NFIB: variants seen among roughly 807,000 people sequenced by gnomAD.
The protein encoded by NFIB is nuclear factor I B.
NFIB carries 11 observed loss-of-function variants against 61.5 expected under a neutral mutation model. The observed-to-expected ratio is 0.18, with a 90% CI of 0.11 to 0.30. The LOEUF (loss-of-function observed/expected upper bound fraction) is 0.30, where lower values mean the gene tolerates loss of function less well. NFIB is among the 10% of genes least tolerant of loss of function. NFIB has a pLI of 1.00. For synonymous variants in NFIB, 260 were observed against 216.5 expected, an observed-to-expected ratio of 1.20 and a Z score of -1.76; for missense variants, 471 against 608.9, an observed-to-expected ratio of 0.77 and a Z score of 2.38.
At chr9:14,251,314 A>C (rs1368251718) in intron 2 of NFIB, among the ~76,000 whole-genome samples, 1 of 152,196 alleles carries the variant, frequency 6.6e-6, no homozygotes, top group Admixed American at 6.5e-5. Context: ...CTAAAGAGTT[A>C]ATCTTTAGCA....
At chr9:14,214,757 T>C (rs1162341425) in intron 2 of NFIB, among the ~76,000 whole-genome samples, 20 of 152,250 alleles carry the variant, frequency 1.3e-4, no homozygotes, top group Admixed American at 1.3e-3. Context: ...CTGACTCTCT[T>C]TTCCATTGGA....
intron 1 of NFIB, among the ~76,000 whole-genome samples, chr9:14,322,587 C>G (rs2060688825): frequency 6.6e-6 from 1 of 152,126 alleles, no homozygotes; most frequent in Middle Eastern, 3.4e-3. Flanking sequence ...CCGCCCCGCC[C>G]CACCCTACCA....
At chr9:14,345,693 G>A (rs1371883991) in intron 1 of NFIB, among the ~76,000 whole-genome samples, 15 of 152,176 alleles carry the variant, frequency 9.9e-5, no homozygotes, top group Admixed American at 9.2e-4. Flanking sequence ...CCCCATCTCC[G>A]TGGAGTTTGG....
At chr9:14,461,083 G>C in the NFIB span, among the ~76,000 whole-genome samples, 1 of 152,002 alleles carries the variant, frequency 6.6e-6, no homozygotes, top group Non-Finnish European at 1.5e-5. Flanking sequence ...CCCAAGGCTG[G>C]ATAAGCTCAA....
At chr9:14,232,943 A>G (rs187188488) in intron 2 of NFIB, among the ~76,000 whole-genome samples, 48 of 152,336 alleles carry the variant, frequency 3.2e-4, no homozygotes, top group African/African-American at 1.1e-3. Flanking sequence ...GCCAGGGCCC[A>G]TCTAGCAAAC....
At chr9:14,297,174 C>T (rs999300988) in intron 2 of NFIB, among the ~76,000 whole-genome samples, 3 of 152,184 alleles carry the variant, frequency 2.0e-5, no homozygotes, top group Non-Finnish European at 2.9e-5. Flanking sequence ...ATTTTTAAAT[C>T]CTCTGGGCTG....
At chr9:14,217,792 G>A (rs1038942923) in intron 2 of NFIB, among the ~76,000 whole-genome samples, 2 of 151,512 alleles carry the variant, frequency 1.3e-5, no homozygotes, top group Non-Finnish European at 2.9e-5. Context: ...ACTTCACCAT[G>A]TCAATATTGA....
At position 14,084,589 on chromosome 9, in the gene NFIB, G is replaced by T. The variant is rs922441586; in HGVS notation, c.*3720C>A. 5 of 228,646 alleles carry T rather than the reference G, an allele frequency of 2.2e-5. No individual in the cohort carries two copies. The highest frequency in any genetic ancestry group is 8.9e-5 in the African/African-American group (4 of 45,016). The allele number at this position is 228,646 out of a possible 1,614,324, so 14.2% of individuals were successfully genotyped here. ...AACACGCTTCAGAGGCACTGTGAGTGGTGGGTGGCAGGGCAGCACACAAAG... is the reference window on the plus strand; with the variant it reads ...AACACGCTTCAGAGGCACTGTGAGTTGTGGGTGGCAGGGCAGCACACAAAG... On this transcript the variant is annotated 3_prime_UTR_variant, in exon 11 of 11. Coordinates refer to ENST00000380953, the MANE Select transcript of NFIB (RefSeq NM_001190737.2).
chr9:14,145,498 A>G (rs1238959135), intron 6 of NFIB, among the ~76,000 whole-genome samples: 1 of 152,112 alleles, frequency 6.6e-6, no homozygotes, highest in African/African-American at 2.4e-5. Flanking sequence ...TTGAGCAGCA[A>G]AGAAGGAGCA....
At chr9:14,351,981 C>T (rs1345575073) in intron 1 of NFIB, among the ~76,000 whole-genome samples, 1 of 152,130 alleles carries the variant, frequency 6.6e-6, no homozygotes, top group African/African-American at 2.4e-5. Flanking sequence ...GATTTGAGGT[C>T]CCATTTGCCC....
At chr9:14,335,201 G>A (rs554258536) in intron 1 of NFIB, among the ~76,000 whole-genome samples, 1 of 152,300 alleles carries the variant, frequency 6.6e-6, no homozygotes, top group Admixed American at 6.5e-5. Flanking sequence ...ATCTAGCAAT[G>A]GAATGTCTGG....
the NFIB span, among the ~76,000 whole-genome samples, chr9:14,460,091 C>A: frequency 6.6e-6 from 1 of 152,096 alleles, no homozygotes; most frequent in Admixed American, 6.5e-5. Flanking sequence ...CAGCACTATT[C>A]ACAATAGCAA....
Position 14,245,840 on chromosome 9 carries a change from C to T in NFIB, c.562+61149G>A, listed in dbSNP as rs553081097. Among the ~76,000 whole-genome samples, 3 of 151,996 alleles carry T rather than the reference C, an allele frequency of 2.0e-5. No individual in the cohort carries two copies. In the East Asian group the frequency reaches 5.8e-4, roughly 29 times the overall value. On this transcript the variant is annotated intron_variant, in intron 2 of 10. Coordinates refer to ENST00000380953, the MANE Select transcript of NFIB (RefSeq NM_001190737.2). ...GTGAGCCGAGATCGCACCACTGCACCCCAGCCTGGGTGACAGAGCGAGACT... is the reference window on the plus strand; with the variant it reads ...GTGAGCCGAGATCGCACCACTGCACTCCAGCCTGGGTGACAGAGCGAGACT...
chr9:14,198,895 G>C (rs900975582), intron 2 of NFIB, among the ~76,000 whole-genome samples: 9 of 152,194 alleles, frequency 5.9e-5, no homozygotes, highest in African/African-American at 2.2e-4. Flanking sequence ...TCCCTGCCAT[G>C]TGATGCACCA....
At chr9:14,239,961 A>AAGG (rs1458259554) in intron 2 of NFIB, among the ~76,000 whole-genome samples, 1 of 152,140 alleles carries the variant, frequency 6.6e-6, no homozygotes, top group African/African-American at 2.4e-5. Context: ...AAATCATAAA[A>AAGG]AGGAATGAGT....
chr9:14,176,528 T>C (rs2046211184), intron 3 of NFIB, among the ~76,000 whole-genome samples: 1 of 152,152 alleles, frequency 6.6e-6, no homozygotes. Flanking sequence ...AAAGGCTACT[T>C]AAAAGCTCTA....
chr9:14,474,705 G>A, the NFIB span, among the ~76,000 whole-genome samples: 17 of 152,060 alleles, frequency 1.1e-4, no homozygotes, highest in Non-Finnish European at 1.5e-4. Flanking sequence ...AAATACAGTG[G>A]GGGACAGGCA....
chr9:14,392,197 G>C (rs532177305), intron 1 of NFIB, among the ~76,000 whole-genome samples: 1 of 152,090 alleles, frequency 6.6e-6, no homozygotes, highest in Admixed American at 6.6e-5. Context: ...TAAATATAAC[G>C]TGGCATCCTG....
chr9:14,432,028 G>A, the NFIB span, among the ~76,000 whole-genome samples: 17,009 of 152,138 alleles, frequency 0.11, 1,213 homozygotes, highest in African/African-American at 0.19. Context: ...AGGTGTCTCT[G>A]GGGCTAGCAA....
Sources: gnomAD v4.1 joint callset for allele counts (sites outside exome capture counted in the v4.1 genomes callset) on GRCh38, gnomAD v4.1.1 for gene constraint, MANE v1.5 for transcripts, NCBI Gene and HGNC (gene_info 2026-07-23, HGNC 2026-07-21) for gene names.